Variants in ANP32B observed in about 807,000 individuals in gnomAD.
The protein encoded by ANP32B is acidic leucine-rich nuclear phosphoprotein 32 family member B.
A neutral mutation model predicts 32.2 loss-of-function variants in ANP32B; 6 were observed. The observed-to-expected ratio is 0.19, with a 90% CI of 0.10 to 0.37. The LOEUF is 0.37. ANP32B is among the 10% of genes least tolerant of loss of function. The pLI, the probability that ANP32B is intolerant of heterozygous loss-of-function variation, is 1.00. For synonymous variants in ANP32B, 98 were observed against 105.8 expected (o/e 0.93, Z 0.45); for missense variants, 204 against 289.2 (o/e 0.71, Z 2.14).
rs1828271141 is a variant in ANP32B, at chr9:98,015,807, C to G, written c.*376C>G. ...AAAAGCTTTGTAAATAAAATCTTAA[C>G]ATTTTGGGTCTGTTTTTTCATGCTT... On this transcript the variant is annotated 3_prime_UTR_variant, in exon 7 of 7. Coordinates refer to ENST00000339399, the MANE Select transcript of ANP32B (RefSeq NM_006401.3). The G allele has an allele frequency of 6.1e-6, 6 of 984,332 alleles. No homozygotes were observed. The highest frequency in any genetic ancestry group is 1.7e-5 in the African/African-American group (1 of 57,164). 61.0% of individuals were successfully genotyped at this position (984,332 alleles called of 1,614,324 possible).
At chr9:97,996,346 A>T (rs1291684423) in intron 2 of ANP32B, among the ~76,000 whole-genome samples, 1 of 152,162 alleles carries the variant, frequency 6.6e-6, no homozygotes, top group Non-Finnish European at 1.5e-5. Flanking sequence ...TTTTATAGGG[A>T]CTTTAATAAA....
At chr9:98,013,672 G>T (rs1291520715) in intron 6 of ANP32B, among the ~76,000 whole-genome samples, 2 of 152,088 alleles carry the variant, frequency 1.3e-5, no homozygotes, top group African/African-American at 4.8e-5. Context: ...GCCGAGGCAG[G>T]TGGATCACCT....
intron 1 of ANP32B, among the ~76,000 whole-genome samples, chr9:97,993,223 G>C (rs1452164777): frequency 1.3e-5 from 2 of 152,204 alleles, no homozygotes; most frequent in Admixed American, 1.3e-4. Context: ...TATGTTGTGG[G>C]CATTGCTGAC....
chr9:97,999,814 A>G (rs1776642265), intron 3 of ANP32B, among the ~76,000 whole-genome samples: 1 of 152,174 alleles, frequency 6.6e-6, no homozygotes, highest in African/African-American at 2.4e-5. Flanking sequence ...GGCTTAATGC[A>G]GTTTGTAGGG....
Position 97,994,781 on chromosome 9 carries a change from G to GT in ANP32B, c.204+2dup. ...CCCCAAGCTGCCTAAATTGAAAAAG[G>GT]TAAGTGCTTTTTCTTTAACAGTAAA... On this transcript the variant is annotated splice_donor_variant, in intron 2 of 6. Coordinates refer to ENST00000339399, the MANE Select transcript of ANP32B (RefSeq NM_006401.3). LOFTEE classifies it high-confidence loss of function. The GT allele has an allele frequency of 6.3e-7, 1 of 1,585,198 alleles. No homozygotes were observed.
chr9:98,007,832 T>A (rs551605403), intron 4 of ANP32B, among the ~76,000 whole-genome samples: 1 of 152,324 alleles, frequency 6.6e-6, no homozygotes, highest in African/African-American at 2.4e-5. Flanking sequence ...CCATGTCTGT[T>A]CACGCAGTTC....
chr9:98,002,590 G>A (rs1210215458), intron 3 of ANP32B, among the ~76,000 whole-genome samples: 1 of 152,118 alleles, frequency 6.6e-6, no homozygotes, highest in Non-Finnish European at 1.5e-5. Flanking sequence ...AGCAGTTCCA[G>A]AGTACTACAG....
chr9:97,985,107 G>A (rs1442287854), intron 1 of ANP32B, among the ~76,000 whole-genome samples: 1 of 150,276 alleles, frequency 6.7e-6, no homozygotes, highest in South Asian at 2.1e-4. Flanking sequence ...AGTTAGCGCC[G>A]CGGCCGGGTG....
At chr9:98,004,381 G>A (rs866556267) in intron 3 of ANP32B, among the ~76,000 whole-genome samples, 4 of 152,096 alleles carry the variant, frequency 2.6e-5, no homozygotes, top group South Asian at 2.1e-4. Flanking sequence ...TCAACTCTGC[G>A]CCCCTCTGCT....
chr9:98,007,677 TCGAG>T (rs1828109788), intron 4 of ANP32B, among the ~76,000 whole-genome samples: 3 of 152,184 alleles, frequency 2.0e-5, no homozygotes, highest in Admixed American at 2.0e-4. Context: ...GTTTCACTAC[TCGAG>T]TCAGAGAGGT....
intron 3 of ANP32B, 34 bp downstream of exon 3, chr9:97,998,712 C>G (rs1480510321): frequency 6.7e-7 from 1 of 1,482,544 alleles, no homozygotes; most frequent in Non-Finnish European, 9.0e-7. Flanking sequence ...CTGGAACTTA[C>G]TGGTCATTTT....
At chr9:98,005,817 C>G (rs1828072852) in intron 4 of ANP32B, among the ~76,000 whole-genome samples, 1 of 152,156 alleles carries the variant, frequency 6.6e-6, no homozygotes, top group South Asian at 2.1e-4. Context: ...CTCTGCTGTT[C>G]TTAAGTCTTC....
In ANP32B at chr9:97,994,739, A is replaced by G; in HGVS notation, c.163A>G (p.Ile55Val). The G allele has an allele frequency of 6.2e-7, 1 of 1,609,078 alleles. No individual in the cohort carries two copies. Among genetic ancestry groups the G allele is most frequent in the Non-Finnish European group, 8.5e-7 (1 of 1,177,972 alleles). Residue 55 changes from isoleucine to valine, a missense_variant, in exon 2 of 7, where the codon ATC (isoleucine) becomes GTC (valine). Transcript: ENST00000339399. ...CCTCAGTTTAATAAATGTAGGCTTGATCTCAGTTTCAAATCTCCCCAAGCT... is the reference window on the plus strand; with the variant it reads ...CCTCAGTTTAATAAATGTAGGCTTGGTCTCAGTTTCAAATCTCCCCAAGCT... Reference protein sequence around the residue: ...EFLSLINVGLISVSNLPKLPK... With the variant: ...EFLSLINVGLVSVSNLPKLPK...
At chr9:97,992,131 C>G (rs1005300314) in intron 1 of ANP32B, among the ~76,000 whole-genome samples, 2 of 152,022 alleles carry the variant, frequency 1.3e-5, no homozygotes, top group Non-Finnish European at 2.9e-5. Flanking sequence ...CCTTTTTCAC[C>G]GAGGCTGGGG....
intron 1 of ANP32B, among the ~76,000 whole-genome samples, chr9:97,986,001 A>T (rs1317770439): frequency 6.6e-6 from 1 of 152,086 alleles, no homozygotes; most frequent in Non-Finnish European, 1.5e-5. Context: ...TTGTATTTTT[A>T]GTAGAGGCGG....
At position 97,983,683 on chromosome 9, in the gene ANP32B, G is replaced by A. The variant is rs1827638120; in HGVS notation, c.54+74G>A. 3 of 1,257,278 alleles carry A rather than the reference G, an allele frequency of 2.4e-6. No individual in the cohort carries two copies. The African/African-American group carries it at 4.7e-5, about 20-fold the overall frequency. The allele number at this position is 1,257,278 out of a possible 1,614,324, so 77.9% of individuals were successfully genotyped here. On this transcript the variant is annotated intron_variant, in intron 1 of 6. Transcript: ENST00000339399. ...AATGGTGGCCACCTGCGGGGCCCGGGCTGAGGGTTCGCCGGCCCCGGCGCG... is the reference window on the plus strand; with the variant it reads ...AATGGTGGCCACCTGCGGGGCCCGGACTGAGGGTTCGCCGGCCCCGGCGCG...
chr9:98,012,325 A>G, intron 5 of ANP32B, 96 bp from the exon 6 acceptor site: 1 of 1,387,448 alleles, frequency 7.2e-7, no homozygotes, highest in Non-Finnish European at 9.8e-7. Flanking sequence ...ATATTGTTGC[A>G]TTTATTTGTA....
At chr9:97,994,454 A>AT (rs1490758742) in intron 1 of ANP32B, among the ~76,000 whole-genome samples, 177 bp from the exon 2 acceptor site, 2 of 152,186 alleles carry the variant, frequency 1.3e-5, no homozygotes, top group Non-Finnish European at 2.9e-5. Flanking sequence ...CTGTCAGTAT[A>AT]TTGTTACTGA....
intron 1 of ANP32B, among the ~76,000 whole-genome samples, chr9:97,990,814 C>CTTTTTT (rs34489949): frequency 2.0e-5 from 2 of 98,892 alleles, no homozygotes; most frequent in Admixed American, 1.2e-4. Context: ...ACAGTTGAAC[C>CTTTTTT]TTTTTTTTTT....
Sources: allele counts gnomAD v4.1 joint callset (sites outside exome capture counted in the v4.1 genomes callset), GRCh38; gene constraint gnomAD v4.1.1; transcripts MANE v1.5; gene names NCBI Gene and HGNC (gene_info 2026-07-23, HGNC 2026-07-21).